TBCD: variants seen among roughly 807,000 people sequenced by gnomAD.
TBCD encodes tubulin-specific chaperone D.
Under a neutral mutation model 169.3 loss-of-function variants are expected in TBCD, and 105 were observed. That is an observed-to-expected ratio of 0.62 (90% confidence interval 0.53 to 0.73). The LOEUF is 0.73. Ranked by LOEUF, TBCD falls within the 30% of genes least tolerant of loss-of-function variation. The pLI is 0.00. For synonymous variants in TBCD, 700 were observed against 643.9 expected (o/e 1.09, Z -1.32); for missense variants, 1,444 against 1,600.1 (o/e 0.90, Z 1.66).
Position 82,945,301 on chromosome 17 carries a change from T to G in TBCD, c.*2838T>G, listed in dbSNP as rs1485320934. ...AGAGACATTGAAGAATGTCTAACCTTTGGGTAATTGGGGTCTCAGAATGAA... is the reference window on the plus strand; with the variant it reads ...AGAGACATTGAAGAATGTCTAACCTGTGGGTAATTGGGGTCTCAGAATGAA... On this transcript the variant is annotated 3_prime_UTR_variant, in exon 39 of 39. Transcript: ENST00000355528. 5 of 152,238 alleles carry G rather than the reference T, an allele frequency of 3.3e-5. No homozygotes were observed. Among genetic ancestry groups the G allele is most frequent in the African/African-American group, 1.2e-4 (5 of 41,464 alleles). 9.4% of individuals were successfully genotyped at this position (152,238 alleles called of 1,614,324 possible).
rs1337841516 is a variant in TBCD at position 82,944,888 on chromosome 17, A to G, written c.*2425A>G. ...CCACTATATAAAGCTGGGACCCTAAATAAGTCTTTTTCAAAGGAACAGCAG... is the reference window on the plus strand; with the variant it reads ...CCACTATATAAAGCTGGGACCCTAAGTAAGTCTTTTTCAAAGGAACAGCAG... On this transcript the variant is annotated 3_prime_UTR_variant, in exon 39 of 39. Coordinates refer to ENST00000355528, the MANE Select transcript of TBCD (RefSeq NM_005993.5). The G allele has an allele frequency of 6.6e-6, 1 of 152,212 alleles. No individual in the cohort carries two copies. Among genetic ancestry groups the G allele is most frequent in the Non-Finnish European group, 1.5e-5 (1 of 68,040 alleles). The allele number at this position is 152,212 out of a possible 1,614,324, so 9.4% of individuals were successfully genotyped here. A position where few individuals can be genotyped will look rare whatever the true frequency, so the allele number is the denominator to read the frequency against.
intron 13 of TBCD, among the ~76,000 whole-genome samples, chr17:82,855,935 C>A (rs1025160182): frequency 6.7e-6 from 1 of 149,770 alleles, no homozygotes; most frequent in African/African-American, 2.5e-5. Context: ...ATGTGTCAGG[C>A]CTTCATTTGT....
chr17:82,761,258 C>T (rs910869035), intron 2 of TBCD, among the ~76,000 whole-genome samples: 2 of 152,160 alleles, frequency 1.3e-5, no homozygotes, highest in Non-Finnish European at 2.9e-5. Context: ...GCCACCGTGC[C>T]CGGCCAGTTG....
intron 18 of TBCD, among the ~76,000 whole-genome samples, chr17:82,901,704 C>T (rs933550336): frequency 1.3e-5 from 2 of 152,022 alleles, no homozygotes; most frequent in African/African-American, 2.4e-5. Flanking sequence ...GTGGTCCAGG[C>T]AGGGCCCTCA....
intron 9 of TBCD, among the ~76,000 whole-genome samples, chr17:82,805,085 C>A (rs968268612): frequency 6.6e-6 from 1 of 152,252 alleles, no homozygotes; most frequent in South Asian, 2.1e-4. Context: ...GCGGCCCGCC[C>A]TGCACTCACC....
rs1042171889 is a variant in TBCD, at chr17:82,782,883, T to A, written c.771+1162T>A. ...CCTCATGTCCTCAGTGTTGTCTTCCTGTCCATGGCGTTGTCTTCCTGTCTG... is the reference window on the plus strand; with the variant it reads ...CCTCATGTCCTCAGTGTTGTCTTCCAGTCCATGGCGTTGTCTTCCTGTCTG... On this transcript the variant is annotated intron_variant, in intron 7 of 38. Transcript: ENST00000355528. This position sits in a 1 kb window ranked among gnomAD's most constrained non-coding sequence, Gnocchi z 5.1. Among the ~76,000 whole-genome samples the A allele has an allele frequency of 5.3e-5, 8 of 151,614 alleles. No homozygotes were observed. Among genetic ancestry groups the A allele is most frequent in the Non-Finnish European group, 1.2e-4 (8 of 67,894 alleles).
intron 24 of TBCD, chr17:82,921,276 G>A (rs2061406096): frequency 1.8e-6 from 1 of 561,822 alleles, no homozygotes; most frequent in Non-Finnish European, 3.2e-6. Context: ...TTTACAGAAT[G>A]CTGGTATTTC....
At position 82,903,481 on chromosome 17, in the gene TBCD, G is replaced by A. The variant is rs757332199; in HGVS notation, c.1804+3G>A. On this transcript the variant is annotated splice_donor_region_variant and intron_variant, in intron 19 of 38. Coordinates refer to ENST00000355528, the MANE Select transcript of TBCD (RefSeq NM_005993.5). The surrounding 1 kb of genome is among the most constrained non-coding windows in gnomAD (Gnocchi z 4.8). The stretch of plus-strand genomic sequence containing the variant: ...ACCCGAGTTCAGCGCCACGCAAGGT[G>A]GGTGTGTGTCCCGGCCGGCCTGCGG... 2 of 1,591,530 alleles carry A rather than the reference G, an allele frequency of 1.3e-6. No homozygotes were observed. Among genetic ancestry groups the A allele is most frequent in the Non-Finnish European group, 8.6e-7 (1 of 1,169,122 alleles).
intron 13 of TBCD, among the ~76,000 whole-genome samples, chr17:82,868,809 A>G: frequency 6.6e-6 from 1 of 152,234 alleles, no homozygotes; most frequent in East Asian, 1.9e-4. Context: ...CCGGCCTCTC[A>G]TGTATCCATC....
intron 6 of TBCD, among the ~76,000 whole-genome samples, chr17:82,779,092 A>G (rs1382353904): frequency 2.0e-5 from 3 of 147,296 alleles, no homozygotes; most frequent in South Asian, 2.2e-4. Context: ...GCTCACTGCA[A>G]CCTCCGCCTC....
chr17:82,922,870 C>T lies in TBCD; in HGVS notation c.2179-782C>T, dbSNP rs559209169. ...TTGCCACTTGCTGGCTGTGTGGTCACGAGAGGCTCCTCCGTAGGTGGCAGA... is the reference window on the plus strand; with the variant it reads ...TTGCCACTTGCTGGCTGTGTGGTCATGAGAGGCTCCTCCGTAGGTGGCAGA... On this transcript the variant is annotated intron_variant, in intron 25 of 38. Coordinates refer to ENST00000355528, the MANE Select transcript of TBCD (RefSeq NM_005993.5). The surrounding 1 kb of genome is among the most constrained non-coding windows in gnomAD (Gnocchi z 4.1). Among the ~76,000 whole-genome samples the T allele has an allele frequency of 1.3e-5, 2 of 152,362 alleles. No homozygotes were observed. The highest frequency in any genetic ancestry group is 2.1e-4 in the South Asian group (1 of 4,834).
At chr17:82,882,317 T>TC (rs1376387692) in intron 14 of TBCD, among the ~76,000 whole-genome samples, 2 of 151,740 alleles carry the variant, frequency 1.3e-5, no homozygotes, top group Middle Eastern at 3.2e-3. Flanking sequence ...TCAAGCCCAT[T>TC]CCCCCCCAGC....
chr17:82,938,181 AG>A, intron 36 of TBCD, 45 bp downstream of exon 36: 1 of 1,575,152 alleles, frequency 6.3e-7, no homozygotes, highest in Middle Eastern at 2.3e-4. Context: ...TGTGGACACA[AG>A]CCCCTCAGTG....
chr17:82,929,501 G>A lies in TBCD; in HGVS notation c.2991+1G>A. On this transcript the variant is annotated splice_donor_variant, in intron 32 of 38. Transcript: ENST00000355528. LOFTEE classifies it high-confidence loss of function. ...CCTGGGCGGCTTGACGGAGTCGACG[G>A]TGAGGAGGCGTCGGGCTGGCTGGGG... The A allele has an allele frequency of 6.2e-7, 1 of 1,604,566 alleles. No individual in the cohort carries two copies. Among genetic ancestry groups the A allele is most frequent in the East Asian group, 2.2e-5 (1 of 44,878 alleles).
intron 13 of TBCD, chr17:82,830,065 T>G (rs1403777709): frequency 1.9e-6 from 3 of 1,597,796 alleles, no homozygotes; most frequent in Non-Finnish European, 2.6e-6. Context: ...AAGTGCCAGT[T>G]CAGAGGTGTT....
intron 21 of TBCD, 49 bp downstream of exon 21, chr17:82,907,870 G>T (rs1370182006): frequency 6.3e-7 from 1 of 1,585,936 alleles, no homozygotes; most frequent in Non-Finnish European, 8.6e-7. Flanking sequence ...CACAGGACCT[G>T]CCCCCTTAGG....
At chr17:82,803,146 T>G (rs963296928) in intron 9 of TBCD, among the ~76,000 whole-genome samples, 1 of 152,200 alleles carries the variant, frequency 6.6e-6, no homozygotes, top group Non-Finnish European at 1.5e-5. Flanking sequence ...TCTGACGGGC[T>G]GTTAGATTTC....
chr17:82,808,913 G>A (rs2051222295), intron 11 of TBCD, among the ~76,000 whole-genome samples: 1 of 151,072 alleles, frequency 6.6e-6, no homozygotes, highest in Non-Finnish European at 1.5e-5. Context: ...GCAGGTGGAG[G>A]GGATAAGGCA....
chr17:82,875,553 G>C (rs1304218875), intron 14 of TBCD, among the ~76,000 whole-genome samples: 2 of 152,248 alleles, frequency 1.3e-5, no homozygotes, highest in Non-Finnish European at 2.9e-5. Flanking sequence ...CTGCCAGGGG[G>C]CAGCCTCTGA....
Sources: gnomAD v4.1 joint callset for allele counts (sites outside exome capture counted in the v4.1 genomes callset) on GRCh38, gnomAD v4.1.1 for gene constraint, Gnocchi (gnomAD v3.1) non-coding constraint, MANE v1.5 for transcripts, NCBI Gene and HGNC (gene_info 2026-07-23, HGNC 2026-07-21) for gene names.